Variants in SYN3 observed in about 807,000 individuals in gnomAD.
SYN3 encodes synapsin III.
SYN3 carries 35 observed loss-of-function variants against 65.8 expected under a neutral mutation model. That is an observed-to-expected ratio of 0.53 (90% CI 0.41 to 0.70). The LOEUF is 0.70. Among genes scored for constraint, SYN3 ranks in the 30% least tolerant of loss-of-function variants. The probability of loss-of-function intolerance (pLI) is 0.00; values close to 1 mark genes in which losing one functional copy is unlikely to be tolerated. For missense variants in SYN3, 680 were observed against 749.0 expected (o/e 0.91, Z 1.08); for synonymous variants, 270 against 292.9 (o/e 0.92, Z 0.80).
In SYN3 at chr22:32,749,085, T is replaced by A. The variant is rs77241109; in HGVS notation, c.711+115830A>T. ...AGACTGAGGCACTCATAAACACAGT[T>A]TCTCACACTTTTACAGGCTAGGAAG... is the stretch of plus-strand genomic sequence containing the variant. On this transcript the variant is annotated intron_variant, in intron 6 of 13. Coordinates refer to ENST00000358763, the MANE Select transcript of SYN3 (RefSeq NM_003490.4). Among the ~76,000 whole-genome samples, 601 of 152,230 alleles carry A rather than the reference T, an allele frequency of 3.9e-3. 4 individuals carry two copies. The highest frequency in any genetic ancestry group is 0.013 in the African/African-American group (553 of 41,528).
At chr22:32,796,197 T>G (rs912976431) in intron 6 of SYN3, among the ~76,000 whole-genome samples, 2 of 152,328 alleles carry the variant, frequency 1.3e-5, no homozygotes, top group Middle Eastern at 3.4e-3. Flanking sequence ...CTTGAATATA[T>G]GGTCATTGAA....
At chr22:32,889,650 A>G (rs1468374959) in intron 4 of SYN3, among the ~76,000 whole-genome samples, 1 of 152,168 alleles carries the variant, frequency 6.6e-6, no homozygotes, top group East Asian at 1.9e-4. Context: ...TTATACATAT[A>G]TGCCATTCTG....
intron 6 of SYN3, among the ~76,000 whole-genome samples, chr22:32,757,504 T>C (rs2045330489): frequency 6.6e-6 from 1 of 151,658 alleles, no homozygotes; most frequent in South Asian, 2.1e-4. Context: ...TCCATGTTGG[T>C]CAGGCTGGTC....
chr22:32,759,534 C>A (rs1363818346), intron 6 of SYN3, among the ~76,000 whole-genome samples: 2 of 152,120 alleles, frequency 1.3e-5, no homozygotes, highest in Non-Finnish European at 2.9e-5. Flanking sequence ...TTTCTTCCAA[C>A]CTTGAGATCT....
Position 32,518,053 on chromosome 22 carries a change from G to T in SYN3, c.1600C>A (p.Pro534Thr). Residue 534 changes from proline (P) to threonine (T), a missense_variant, in exon 13 of 14, where the codon CCG (proline) becomes ACG (threonine). Pro to Thr is a conservative substitution (Grantham distance 38). Transcript: ENST00000358763. ...EESKKPAPPHPHLNKSQSLTN... is the reference protein window; with the variant it reads ...EESKKPAPPHTHLNKSQSLTN... ...TCCCAAAGCACTTACTTGAGATGCG[G>T]ATGGGGTGGTGCTGGCTTCTTGGAC... The T allele has an allele frequency of 6.6e-7, 1 of 1,520,668 alleles. No individual in the cohort carries two copies. The highest frequency in any genetic ancestry group is 8.8e-7 in the Non-Finnish European group (1 of 1,136,642). The allele number at this position is 1,520,668 out of a possible 1,614,324, so 94.2% of individuals were successfully genotyped here.
rs568905141 is a variant in SYN3 at position 33,006,439 on chromosome 22, G to A, written c.224C>T (p.Ser75Leu). The part of the protein sequence containing the change: ...SAMKQAPQAT[S>L]GLMEPPGPST... Reference sequence around the variant, plus strand: ...GGGACCTGGAGGCTCCATCAGTCCTGAGGTGGCCTGAGGGGCCTGCTTCAT... The same window carrying A: ...GGGACCTGGAGGCTCCATCAGTCCTAAGGTGGCCTGAGGGGCCTGCTTCAT... The change falls in exon 2 of 14, where the codon TCA (serine) becomes TTA (leucine). Residue 75 changes from serine (S) to leucine (L), a missense_variant. Ser to Leu is a moderately radical substitution (Grantham distance 145). Coordinates refer to ENST00000358763, the MANE Select transcript of SYN3 (RefSeq NM_003490.4). 3.1e-6 allele frequency: 5 copies of A among 1,614,196 alleles called. No homozygotes were observed. The African/African-American group carries it at 5.3e-5, about 17-fold the overall frequency.
chr22:32,999,576 A>C (rs2052996473), intron 2 of SYN3, among the ~76,000 whole-genome samples: 1 of 152,176 alleles, frequency 6.6e-6, no homozygotes, highest in Non-Finnish European at 1.5e-5. Context: ...CCAGACCCCC[A>C]GGAGGCTGGG....
In SYN3 at chr22:32,715,546, C is replaced by T. The variant is rs534694423; in HGVS notation, c.712-118810G>A. ...CTGTAATCCCAGCACTTTGGGAGGC[C>T]GAGGTGGGTGGATCACAAGGTCAGG... On this transcript the variant is annotated intron_variant, in intron 6 of 13. Coordinates refer to ENST00000358763, the MANE Select transcript of SYN3 (RefSeq NM_003490.4). 7.2e-5 allele frequency among the ~76,000 whole-genome samples: 11 copies of T among 152,046 alleles called. No individual in the cohort carries two copies. The South Asian group carries it at 8.3e-4, about 11-fold the overall frequency.
At chr22:33,002,447 T>C (rs950815928) in intron 2 of SYN3, among the ~76,000 whole-genome samples, 1 of 152,100 alleles carries the variant, frequency 6.6e-6, no homozygotes, top group African/African-American at 2.4e-5. Context: ...ATCGAGACCC[T>C]CCTGGCTAAC....
chr22:32,679,199 C>T (rs2060489340), intron 6 of SYN3, among the ~76,000 whole-genome samples: 1 of 151,988 alleles, frequency 6.6e-6, no homozygotes, highest in Non-Finnish European at 1.5e-5. Context: ...ACTACAGGCA[C>T]CCACAACCAC....
At chr22:32,778,445 T>C (rs1240825598) in intron 6 of SYN3, among the ~76,000 whole-genome samples, 1 of 132,204 alleles carries the variant, frequency 7.6e-6, no homozygotes, top group East Asian at 2.2e-4. Context: ...CACGCCACCA[T>C]GTCCAGCTAA....
intron 1 of SYN3, among the ~76,000 whole-genome samples, chr22:33,052,310 G>T (rs1364430842): frequency 1.3e-5 from 2 of 152,196 alleles, no homozygotes; most frequent in Non-Finnish European, 2.9e-5. Context: ...ACCTGGGGCT[G>T]TGCCCGTCCC....
At chr22:32,805,653 A>G (rs1368905639) in intron 6 of SYN3, among the ~76,000 whole-genome samples, 1 of 133,734 alleles carries the variant, frequency 7.5e-6, no homozygotes, top group East Asian at 2.2e-4. Context: ...CAACCTTAAG[A>G]GTAGGTATTG....
At chr22:32,948,543 T>C (rs1226974938) in intron 3 of SYN3, among the ~76,000 whole-genome samples, 2 of 151,998 alleles carry the variant, frequency 1.3e-5, no homozygotes, top group East Asian at 3.9e-4. Context: ...GAGACCATAC[T>C]GGCTAACATG....
Position 32,527,924 on chromosome 22 carries a change from G to C in SYN3, c.1312C>G (p.Pro438Ala), listed in dbSNP as rs762240021. ...QLGQPQPRPPPQGGPRQAQSP... is the reference protein window; with the variant it reads ...QLGQPQPRPPAQGGPRQAQSP... The stretch of plus-strand genomic sequence containing the variant: ...GGCTCGTCCTGGGTCATACCTTGCG[G>C]AGGTGGGCGTGGCTGGGGCTGGCCT... The change falls in exon 12 of 14, where the codon CCG (proline) becomes GCG (alanine). Residue 438 changes from proline (P) to alanine (A), a missense_variant. Pro to Ala is a conservative substitution (Grantham distance 27, BLOSUM62 -1). Coordinates refer to ENST00000358763, the MANE Select transcript of SYN3 (RefSeq NM_003490.4). The C allele has an allele frequency of 6.3e-7, 1 of 1,588,966 alleles. No individual in the cohort carries two copies. Among genetic ancestry groups the C allele is most frequent in the Non-Finnish European group, 8.6e-7 (1 of 1,166,472 alleles).
chr22:32,593,097 T>G (rs1302138459), intron 7 of SYN3, among the ~76,000 whole-genome samples: 1 of 152,196 alleles, frequency 6.6e-6, no homozygotes, highest in Non-Finnish European at 1.5e-5. Context: ...AGCTTTGTTT[T>G]TCTCTCTCTC....
At chr22:32,858,872 C>T (rs545684782) in intron 6 of SYN3, among the ~76,000 whole-genome samples, 18 of 152,108 alleles carry the variant, frequency 1.2e-4, no homozygotes, top group African/African-American at 1.9e-4. Context: ...CCACCTGAGA[C>T]GAAAAAGTCC....
At chr22:32,902,238 T>C (rs534768963) in intron 4 of SYN3, among the ~76,000 whole-genome samples, 2 of 152,216 alleles carry the variant, frequency 1.3e-5, no homozygotes, top group East Asian at 1.9e-4. Flanking sequence ...CTGAAATAAT[T>C]TGAAACAATA....
chr22:32,750,969 C>A (rs1017721951), intron 6 of SYN3, among the ~76,000 whole-genome samples: 3 of 152,100 alleles, frequency 2.0e-5, no homozygotes, highest in Non-Finnish European at 4.4e-5. Flanking sequence ...CACCTCATAG[C>A]AGTCTCTGAT....
Sources: gnomAD v4.1 joint callset for allele counts (sites outside exome capture counted in the v4.1 genomes callset) on GRCh38, gnomAD v4.1.1 for gene constraint, MANE v1.5 for transcripts, NCBI Gene and HGNC (gene_info 2026-07-23, HGNC 2026-07-21) for gene names.